The following MCCC2 variants were observed in gnomAD, a reference collection of about 807,000 sequenced individuals.
MCCC2 encodes methylcrotonoyl-CoA carboxylase beta chain, mitochondrial.
A neutral mutation model predicts 77.2 loss-of-function variants in MCCC2; 52 were observed. That is an observed-to-expected ratio of 0.67 (90% confidence interval 0.54 to 0.85). The LOEUF is 0.85. Ranked by LOEUF, MCCC2 falls within the 40% of genes least tolerant of loss-of-function variation. The probability of loss-of-function intolerance (pLI) is 0.00; values close to 1 mark genes in which losing one functional copy is unlikely to be tolerated. For missense variants in MCCC2, 682 were observed against 703.2 expected (o/e 0.97, Z 0.34); for synonymous variants, 253 against 248.4 (o/e 1.02, Z -0.18).
intron 1 of MCCC2, among the ~76,000 whole-genome samples, chr5:71,589,786 G>C (rs1744902519): frequency 6.6e-6 from 1 of 152,158 alleles, no homozygotes; most frequent in South Asian, 2.1e-4. Flanking sequence ...TGTGCAGTAG[G>C]TACAATTGTT....
intron 10 of MCCC2, 78 bp downstream of exon 10, chr5:71,635,324 T>G: frequency 7.8e-7 from 1 of 1,280,312 alleles, no homozygotes; most frequent in Non-Finnish European, 1.1e-6. Context: ...AAAGCTAAAG[T>G]TTGTTAAGAT....
At chr5:71,651,054 C>T (rs1277260066) in intron 15 of MCCC2, among the ~76,000 whole-genome samples, 1 of 152,182 alleles carries the variant, frequency 6.6e-6, no homozygotes, top group African/African-American at 2.4e-5. Context: ...GCTGGGATTA[C>T]AGGTGTGTGC....
In MCCC2 at chr5:71,657,320, T is replaced by A. The variant is rs1465292215; in HGVS notation, c.*460T>A. On this transcript the variant is annotated 3_prime_UTR_variant, in exon 17 of 17. Coordinates refer to ENST00000340941, the MANE Select transcript of MCCC2 (RefSeq NM_022132.5). ...GTGCCCTCACACTGCTGTGCAGCCA[T>A]CACCACCATTCATCTCCAGAATTTG... 2.3e-5 allele frequency: 4 copies of A among 176,308 alleles called. No homozygotes were observed. The Admixed American group carries it at 2.3e-4, about 10-fold the overall frequency. 10.9% of individuals were successfully genotyped at this position (176,308 alleles called of 1,614,324 possible). A position where few individuals can be genotyped will look rare whatever the true frequency, so the allele number is the denominator to read the frequency against.
intron 13 of MCCC2, among the ~76,000 whole-genome samples, chr5:71,647,645 T>C (rs2112465633): frequency 6.6e-6 from 1 of 152,280 alleles, no homozygotes; most frequent in South Asian, 2.1e-4. Context: ...GGTGAATAAG[T>C]CTCAGCACAG....
intron 6 of MCCC2, among the ~76,000 whole-genome samples, chr5:71,608,398 C>T (rs2112346405): frequency 8.3e-6 from 1 of 120,864 alleles, no homozygotes; most frequent in East Asian, 2.3e-4. Context: ...AGGATTGCAA[C>T]CCCTGCCTTT....
chr5:71,589,724 A>G lies in MCCC2; in HGVS notation c.129+2170A>G, dbSNP rs550298674. Among the ~76,000 whole-genome samples, 119 of 152,152 alleles carry G rather than the reference A, an allele frequency of 7.8e-4. 1 individual carries two copies. Among genetic ancestry groups the G allele is most frequent in the Non-Finnish European group, 1.3e-3 (91 of 68,024 alleles). ...GCAGGAATTTTATAGTGTACCCACCATTTTTCTAAAGGCTTTATGTGGTTT... is the reference window on the plus strand; with the variant it reads ...GCAGGAATTTTATAGTGTACCCACCGTTTTTCTAAAGGCTTTATGTGGTTT... On this transcript the variant is annotated intron_variant, in intron 1 of 16. Transcript: ENST00000340941.
intron 12 of MCCC2, 146 bp from the exon 13 acceptor site, chr5:71,646,065 A>T (rs1300844722): frequency 1.3e-5 from 5 of 384,738 alleles, no homozygotes; most frequent in African/African-American, 1.4e-4. Flanking sequence ...ATGTTTCTTT[A>T]AAAAAAAAAA....
At chr5:71,633,131 A>ATATATATATT (rs1554137344) in intron 8 of MCCC2, among the ~76,000 whole-genome samples, 8 of 78,076 alleles carry the variant, frequency 1.0e-4, no homozygotes, top group African/African-American at 4.0e-4. Context: ...ATATATATAT[A>ATATATATATT]TTTTTATTTT....
Position 71,626,751 on chromosome 5 carries a change from T to C in MCCC2, c.736T>C (p.Leu246=), listed in dbSNP as rs1303225809. Residue 246 remains leucine, a splice_region_variant and synonymous_variant, in exon 7 of 17, where the codon TTG becomes CTG. Transcript: ENST00000340941. Reference sequence around the variant, plus strand: ...TACCATTTTCTTGGCAGGACCCCCCTTGGTAAGAACATAAGAACGTTGGTC... The same window carrying C: ...TACCATTTTCTTGGCAGGACCCCCCCTGGTAAGAACATAAGAACGTTGGTC... ...QGTIFLAGPP[L]VKAATGEEVS... 2.0e-5 allele frequency: 33 copies of C among 1,613,620 alleles called. No individual in the cohort carries two copies. Among genetic ancestry groups the C allele is most frequent in the Non-Finnish European group, 2.8e-5 (33 of 1,179,678 alleles).
chr5:71,598,428 TTTAA>T (rs920139170), intron 3 of MCCC2, among the ~76,000 whole-genome samples: 1 of 151,614 alleles, frequency 6.6e-6, no homozygotes, highest in African/African-American at 2.4e-5. Flanking sequence ...GGATTTTTAT[TTTAA>T]TTAATTAATT....
chr5:71,615,511 A>G lies in MCCC2; in HGVS notation c.624+11043A>G, dbSNP rs1580300265. Among the ~76,000 whole-genome samples, 3 of 152,096 alleles carry G rather than the reference A, an allele frequency of 2.0e-5. No homozygotes were observed. In the South Asian group the frequency reaches 6.2e-4, roughly 32 times the overall value. On this transcript the variant is annotated intron_variant, in intron 6 of 16. Coordinates refer to ENST00000340941, the MANE Select transcript of MCCC2 (RefSeq NM_022132.5). ...ATTACCTGTCATCTCCCTGATCTTT[A>G]TCTAGTCTTGACCACCTCTACATCT...
intron 10 of MCCC2, chr5:71,636,772 GC>G (rs1282602084): frequency 1.3e-5 from 2 of 151,910 alleles, no homozygotes; most frequent in East Asian, 3.9e-4. Context: ...GTTCCAGGTA[GC>G]CAAGTTCTCT....
chr5:71,611,433 A>C (rs1020003820), intron 6 of MCCC2, among the ~76,000 whole-genome samples: 1 of 152,194 alleles, frequency 6.6e-6, no homozygotes, highest in Non-Finnish European at 1.5e-5. Flanking sequence ...AGTTCATTAT[A>C]GCATTGTTTG....
At chr5:71,627,585 T>TGTGGGCAAC (rs1317464194) in intron 7 of MCCC2, among the ~76,000 whole-genome samples, 12 of 152,248 alleles carry the variant, frequency 7.9e-5, no homozygotes, top group Non-Finnish European at 1.5e-5. Flanking sequence ...GTTGGATATG[T>TGTGGGCAAC]ACCTATGAGT....
At chr5:71,637,082 T>C (rs547627668) in intron 10 of MCCC2, among the ~76,000 whole-genome samples, 3 of 152,330 alleles carry the variant, frequency 2.0e-5, no homozygotes, top group East Asian at 1.9e-4. Flanking sequence ...ATTAAAGTTA[T>C]AGCTTTTAAG....
intron 7 of MCCC2, among the ~76,000 whole-genome samples, chr5:71,629,704 G>C (rs566253583): frequency 6.6e-6 from 1 of 151,292 alleles, no homozygotes; most frequent in African/African-American, 2.4e-5. Flanking sequence ...AAATGTAAAA[G>C]TCTTAAGGCA....
intron 4 of MCCC2, among the ~76,000 whole-genome samples, chr5:71,601,222 A>G (rs1009362192): frequency 2.0e-5 from 3 of 152,224 alleles, no homozygotes; most frequent in Admixed American, 1.3e-4. Flanking sequence ...AGATATGGCT[A>G]TGTCCCTTGT....
At chr5:71,588,954 G>A (rs543030318) in intron 1 of MCCC2, among the ~76,000 whole-genome samples, 97 of 152,148 alleles carry the variant, frequency 6.4e-4, no homozygotes, top group Admixed American at 2.2e-3. Flanking sequence ...AAATATTTAA[G>A]TAGATAAGTG....
chr5:71,638,107 T>G (rs1746993060), intron 10 of MCCC2, among the ~76,000 whole-genome samples: 1 of 152,228 alleles, frequency 6.6e-6, no homozygotes, highest in Non-Finnish European at 1.5e-5. Context: ...AATTGTCATT[T>G]CACAGTGTTT....
Sources: allele counts gnomAD v4.1 joint callset (sites outside exome capture counted in the v4.1 genomes callset), GRCh38; gene constraint gnomAD v4.1.1; transcripts MANE v1.5; gene names NCBI Gene and HGNC (gene_info 2026-07-23, HGNC 2026-07-21).